ANO3: variants seen among roughly 807,000 people sequenced by gnomAD.
ANO3 encodes anoctamin 3.
A neutral mutation model predicts 144.8 loss-of-function variants in ANO3; 99 were observed. That is an observed-to-expected ratio of 0.68 (90% CI 0.58 to 0.81). The LOEUF is 0.81. ANO3 is among the 30% of genes least tolerant of loss of function. The probability of loss-of-function intolerance (pLI) is 0.00; values close to 1 mark genes in which losing one functional copy is unlikely to be tolerated. For synonymous variants in ANO3, 414 were observed against 392.6 expected, an observed-to-expected ratio of 1.05 and a Z score of -0.64; for missense variants, 905 against 1,202.2, an observed-to-expected ratio of 0.75 and a Z score of 3.66.
chr11:26,236,713 G>T (rs922808359), intron 1 of ANO3, among the ~76,000 whole-genome samples: 1 of 151,522 alleles, frequency 6.6e-6, no homozygotes, highest in Non-Finnish European at 1.5e-5. Context: ...AGCTACTCGG[G>T]AGGCTGAGGC....
intron 5 of ANO3, among the ~76,000 whole-genome samples, chr11:26,512,343 C>G (rs1427311630): frequency 6.6e-6 from 1 of 152,162 alleles, no homozygotes; most frequent in Non-Finnish European, 1.5e-5. Flanking sequence ...AGTGTGAAGG[C>G]AGTGGGTGTT....
At chr11:26,232,300 G>A (rs902809784) in intron 1 of ANO3, among the ~76,000 whole-genome samples, 1 of 152,136 alleles carries the variant, frequency 6.6e-6, no homozygotes, top group Non-Finnish European at 1.5e-5. Flanking sequence ...AGCAAGACGT[G>A]CTCAGGGCAT....
chr11:26,602,414 G>A (rs777430867), intron 17 of ANO3, among the ~76,000 whole-genome samples: 1 of 152,032 alleles, frequency 6.6e-6, no homozygotes, highest in Non-Finnish European at 1.5e-5. Flanking sequence ...TACATTTATC[G>A]ATATAAAGGA....
At chr11:26,449,851 T>A (rs57297880) in intron 3 of ANO3, among the ~76,000 whole-genome samples, 7,952 of 151,792 alleles carry the variant, frequency 0.052, 250 homozygotes, top group African/African-American at 0.081. Context: ...CTGCCTCGGG[T>A]TCAAGCAATT....
intron 1 of ANO3, among the ~76,000 whole-genome samples, chr11:26,272,321 A>C (rs1241158536): frequency 6.6e-6 from 1 of 152,132 alleles, no homozygotes; most frequent in Non-Finnish European, 1.5e-5. Context: ...ACTGCCTGCC[A>C]TTTCGAAACA....
rs545721285 is a variant in ANO3 at position 26,468,633 on chromosome 11, T to C, written c.432+5485T>C. ...CTACAGCATACCTTTTATGTGGATG[T>C]CAGGAACTATTTCATTTGCCTAAAT... On this transcript the variant is annotated intron_variant, in intron 4 of 26. Coordinates refer to ENST00000256737, the MANE Select transcript of ANO3 (RefSeq NM_031418.4). Among the ~76,000 whole-genome samples the C allele has an allele frequency of 2.0e-5, 3 of 152,080 alleles. No homozygotes were observed. In the South Asian group the frequency reaches 6.2e-4, roughly 31 times the overall value.
chr11:26,225,697 T>C (rs1852243692), intron 1 of ANO3, among the ~76,000 whole-genome samples: 1 of 152,194 alleles, frequency 6.6e-6, no homozygotes, highest in African/African-American at 2.4e-5. Context: ...ATCTCTTTTG[T>C]TTCTTATTTA....
chr11:26,609,414 A>C (rs1056850171), intron 17 of ANO3, among the ~76,000 whole-genome samples: 1 of 151,234 alleles, frequency 6.6e-6, no homozygotes, highest in African/African-American at 2.4e-5. Context: ...AGGATATCAC[A>C]TGCAGGATTC....
chr11:26,592,283 TTGAG>T (rs1851476584), intron 14 of ANO3, among the ~76,000 whole-genome samples: 1 of 151,844 alleles, frequency 6.6e-6, no homozygotes, highest in Admixed American at 6.5e-5. Flanking sequence ...TAGATGTTGT[TTGAG>T]TGTTTCTTTC....
At chr11:26,366,940 A>C (rs1308017230) in intron 1 of ANO3, among the ~76,000 whole-genome samples, 1 of 152,058 alleles carries the variant, frequency 6.6e-6, no homozygotes, top group African/African-American at 2.4e-5. Flanking sequence ...CAGAGCCCTC[A>C]GAAATAATAC....
intron 17 of ANO3, among the ~76,000 whole-genome samples, chr11:26,616,691 A>T (rs1304810948): frequency 6.6e-6 from 1 of 152,266 alleles, no homozygotes; most frequent in Non-Finnish European, 1.5e-5. Context: ...AAAACTTGTC[A>T]GACCAAGCTC....
At chr11:26,430,066 A>C (rs1365737284) in intron 1 of ANO3, among the ~76,000 whole-genome samples, 1 of 152,056 alleles carries the variant, frequency 6.6e-6, no homozygotes, top group Non-Finnish European at 1.5e-5. Flanking sequence ...CAACATGGTG[A>C]AACCCAGTCT....
intron 10 of ANO3, among the ~76,000 whole-genome samples, chr11:26,537,948 T>C (rs1430737689): frequency 6.6e-6 from 1 of 152,216 alleles, no homozygotes; most frequent in African/African-American, 2.4e-5. Context: ...CTGTAAATGA[T>C]ATTTGAGCCA....
intron 1 of ANO3, among the ~76,000 whole-genome samples, chr11:26,245,012 T>C (rs1164043168): frequency 1.6e-4 from 23 of 141,006 alleles, no homozygotes; most frequent in African/African-American, 5.0e-4. Flanking sequence ...TGTGTGTGTG[T>C]GTGTGTGTGC....
chr11:26,461,927 T>C (rs1015494306), intron 3 of ANO3, among the ~76,000 whole-genome samples: 4 of 152,014 alleles, frequency 2.6e-5, no homozygotes, highest in African/African-American at 7.2e-5. Flanking sequence ...GTATGGTTAA[T>C]AGGTCTAAGT....
chr11:26,640,312 C>T (rs113089691), intron 21 of ANO3, among the ~76,000 whole-genome samples: 1 of 152,070 alleles, frequency 6.6e-6, no homozygotes, highest in Non-Finnish European at 1.5e-5. Flanking sequence ...TCATCATAAA[C>T]GACAGAACCT....
chr11:26,358,903 T>C (rs1387507080), intron 1 of ANO3, among the ~76,000 whole-genome samples: 1 of 152,226 alleles, frequency 6.6e-6, no homozygotes, highest in African/African-American at 2.4e-5. Context: ...AAAATTTTGT[T>C]TTCACTTCTA....
chr11:26,377,635 T>A (rs1050660822), intron 1 of ANO3, among the ~76,000 whole-genome samples: 11 of 152,134 alleles, frequency 7.2e-5, no homozygotes, highest in African/African-American at 2.7e-4. Flanking sequence ...GGTGGAAGCT[T>A]ACTGAACTGT....
chr11:26,263,524 C>T (rs74711985), intron 1 of ANO3, among the ~76,000 whole-genome samples: 3,046 of 152,294 alleles, frequency 0.02, 63 homozygotes, highest in East Asian at 0.12. Flanking sequence ...TGGGTAGCTT[C>T]GCCATCTCCT....
Sources: allele counts gnomAD v4.1 joint callset (sites outside exome capture counted in the v4.1 genomes callset), GRCh38; gene constraint gnomAD v4.1.1; transcripts MANE v1.5; gene names NCBI Gene and HGNC (gene_info 2026-07-23, HGNC 2026-07-21).